The following LRRC7 variants were observed in gnomAD, a reference collection of about 807,000 sequenced individuals.
The protein encoded by LRRC7 is leucine-rich repeat-containing protein 7.
LRRC7 carries 23 observed loss-of-function variants against 175.7 expected under a neutral mutation model. The observed-to-expected ratio is 0.13, with a 90% CI of 0.09 to 0.19. The LOEUF is 0.19. LRRC7 is among the 10% of genes least tolerant of loss of function. LRRC7 has a pLI of 1.00. For synonymous variants in LRRC7, 685 were observed against 680.9 expected, an observed-to-expected ratio of 1.01 and a Z score of -0.09; for missense variants, 1,354 against 1,904.7, an observed-to-expected ratio of 0.71 and a Z score of 5.38.
At chr1:69,603,534 A>T (rs1482070773) in intron 1 of LRRC7, among the ~76,000 whole-genome samples, 1 of 152,204 alleles carries the variant, frequency 6.6e-6, no homozygotes, top group Non-Finnish European at 1.5e-5. Flanking sequence ...ATTCATATTA[A>T]CTTGTATTAC....
intron 7 of LRRC7, among the ~76,000 whole-genome samples, chr1:69,907,638 T>C (rs946454382): frequency 6.6e-6 from 1 of 152,208 alleles, no homozygotes; most frequent in African/African-American, 2.4e-5. Flanking sequence ...ATAAGCTTTT[T>C]GATGTGCTGC....
intron 2 of LRRC7, among the ~76,000 whole-genome samples, chr1:69,754,396 G>C (rs2100910751): frequency 6.6e-6 from 1 of 152,096 alleles, no homozygotes; most frequent in Middle Eastern, 3.4e-3. Flanking sequence ...TTTAGGAGAT[G>C]GTGATTGTTA....
intron 3 of LRRC7, among the ~76,000 whole-genome samples, chr1:69,781,669 A>C (rs1213768973): frequency 2.2e-5 from 3 of 133,460 alleles, no homozygotes; most frequent in Non-Finnish European, 4.7e-5. Context: ...GAGACAGAGC[A>C]AGACTGTCTC....
At chr1:69,869,730 G>A (rs1685323568) in intron 7 of LRRC7, among the ~76,000 whole-genome samples, 1 of 152,142 alleles carries the variant, frequency 6.6e-6, no homozygotes, top group African/African-American at 2.4e-5. Context: ...TTATCATAGA[G>A]TCCAAGAGAG....
chr1:70,060,525 G>A (rs1162162099), intron 23 of LRRC7, among the ~76,000 whole-genome samples: 1 of 152,114 alleles, frequency 6.6e-6, no homozygotes, highest in Non-Finnish European at 1.5e-5. Context: ...AGGTTGGGGT[G>A]AATGTAGCTT....
intron 7 of LRRC7, among the ~76,000 whole-genome samples, chr1:69,913,626 C>A (rs1359186234): frequency 6.6e-6 from 1 of 152,084 alleles, no homozygotes; most frequent in Non-Finnish European, 1.5e-5. Context: ...ATTCTCCTGC[C>A]TTAGCCACCC....
chr1:69,734,194 C>A (rs768593548), intron 2 of LRRC7, among the ~76,000 whole-genome samples: 5 of 151,620 alleles, frequency 3.3e-5, no homozygotes, highest in African/African-American at 4.8e-5. Flanking sequence ...TACACAAAGT[C>A]AAAATAAAGA....
intron 7 of LRRC7, among the ~76,000 whole-genome samples, chr1:69,927,150 G>A (rs1647104045): frequency 6.6e-6 from 1 of 152,182 alleles, no homozygotes; most frequent in Admixed American, 6.5e-5. Context: ...ATGTCTTCTG[G>A]CTTGTAAAGT....
intron 7 of LRRC7, among the ~76,000 whole-genome samples, chr1:69,928,607 G>A (rs576303005): frequency 3.9e-5 from 6 of 152,338 alleles, no homozygotes; most frequent in East Asian, 1.9e-4. Context: ...AGGACCCTCC[G>A]AGCCATGTGC....
intron 6 of LRRC7, among the ~76,000 whole-genome samples, chr1:69,835,961 C>T (rs946759044): frequency 6.6e-6 from 1 of 151,750 alleles, no homozygotes; most frequent in African/African-American, 2.4e-5. Flanking sequence ...ACATGTTTTT[C>T]AATATTTTTC....
intron 8 of LRRC7, among the ~76,000 whole-genome samples, chr1:69,970,063 TA>T (rs1652073843): frequency 6.6e-6 from 1 of 152,048 alleles, no homozygotes; most frequent in African/African-American, 2.4e-5. Context: ...GATGGAAATT[TA>T]AAAATTCTTC....
In LRRC7 at chr1:69,707,682, G is replaced by A. The variant is rs146184494; in HGVS notation, c.100+29204G>A. Among the ~76,000 whole-genome samples the A allele has an allele frequency of 2.5e-3, 380 of 152,088 alleles. 1 individual carries two copies. Among genetic ancestry groups the A allele is most frequent in the African/African-American group, 8.9e-3 (371 of 41,506 alleles). ...TCCTTTTCCTCACTCTTGTTTCCTT[G>A]CCCCCAAGTCAAACATGCATAATAA... On this transcript the variant is annotated intron_variant, in intron 2 of 26. Coordinates refer to ENST00000651989, the MANE Select transcript of LRRC7 (RefSeq NM_001370785.2).
At chr1:69,882,367 A>T (rs1686706363) in intron 7 of LRRC7, among the ~76,000 whole-genome samples, 1 of 152,198 alleles carries the variant, frequency 6.6e-6, no homozygotes, top group South Asian at 2.1e-4. Flanking sequence ...TATATATTAT[A>T]ACCAAAGAAA....
chr1:69,668,413 G>A (rs1658582432), intron 1 of LRRC7, among the ~76,000 whole-genome samples: 1 of 152,004 alleles, frequency 6.6e-6, no homozygotes, highest in Non-Finnish European at 1.5e-5. Context: ...TTCTGTTCCT[G>A]TGTTAGTTTG....
At chr1:69,753,693 T>G (rs1670096918) in intron 2 of LRRC7, among the ~76,000 whole-genome samples, 1 of 152,068 alleles carries the variant, frequency 6.6e-6, no homozygotes, top group South Asian at 2.1e-4. Flanking sequence ...TATATCTACT[T>G]TAAATCATAG....
chr1:70,026,141 C>G (rs948191976), intron 17 of LRRC7, among the ~76,000 whole-genome samples: 1 of 152,092 alleles, frequency 6.6e-6, no homozygotes, highest in African/African-American at 2.4e-5. Context: ...GTATTTAATT[C>G]AGTTAAGGAA....
In LRRC7 at chr1:70,135,849, C is replaced by T. The variant is rs988393160; in HGVS notation, c.*13962C>T. Among the ~76,000 whole-genome samples, 1 of 152,178 alleles carries T rather than the reference C, an allele frequency of 6.6e-6. No homozygotes were observed. Among genetic ancestry groups the T allele is most frequent in the South Asian group, 2.1e-4 (1 of 4,832 alleles). ...TTTGGGATATAAATCTTCAGCCATA[C>T]TTGTAGAATCGTTTGACTAAGCAAC... On this transcript the variant is annotated 3_prime_UTR_variant, in exon 27 of 27. Coordinates refer to ENST00000651989, the MANE Select transcript of LRRC7 (RefSeq NM_001370785.2).
At chr1:69,833,725 G>T (rs1680800412) in intron 5 of LRRC7, among the ~76,000 whole-genome samples, 1 of 151,990 alleles carries the variant, frequency 6.6e-6, no homozygotes, top group South Asian at 2.1e-4. Context: ...GGCAGCGTAG[G>T]ATCCGAAATA....
chr1:69,788,088 GT>G (rs954114601), intron 3 of LRRC7, among the ~76,000 whole-genome samples: 1 of 151,764 alleles, frequency 6.6e-6, no homozygotes, highest in Admixed American at 6.6e-5. Context: ...TGCAGACCCA[GT>G]TTTTTTCTAG....
Sources: allele counts gnomAD v4.1 joint callset (sites outside exome capture counted in the v4.1 genomes callset), GRCh38; gene constraint gnomAD v4.1.1; transcripts MANE v1.5; gene names NCBI Gene and HGNC (gene_info 2026-07-23, HGNC 2026-07-21).